Variants in ANKEF1 observed in about 807,000 individuals in gnomAD.
ANKEF1 encodes the protein ankyrin repeat and EF-hand domain containing 1.
Under a neutral mutation model 65.1 loss-of-function variants are expected in ANKEF1, and 43 were observed. The ratio of observed to expected loss-of-function variants is 0.66; its 90% CI spans 0.52 to 0.85. The LOEUF is 0.85. Ranked by LOEUF, ANKEF1 falls within the 40% of genes least tolerant of loss-of-function variation. ANKEF1 has a pLI of 0.00. For synonymous variants in ANKEF1, 316 were observed against 341.5 expected (o/e 0.93, Z 0.82); for missense variants, 934 against 952.9 (o/e 0.98, Z 0.26).
In ANKEF1 at chr20:10,049,695, G is replaced by T; in HGVS notation, c.1126G>T (p.Ala376Ser). The stretch of plus-strand genomic sequence containing the variant: ...GGATTATGCAAGCTCAGAACAGCTG[G>T]CTGCCATCGCTCACCTTCATGAGAA... ...RQDYASSEQL[A>S]AIAHLHEKTR... The change falls in exon 7 of 11, where the codon GCT becomes TCT. Residue 376 changes from alanine to serine, a missense_variant. Coordinates refer to ENST00000378392, the MANE Select transcript of ANKEF1 (RefSeq NM_022096.6). The T allele has an allele frequency of 1.2e-6, 2 of 1,614,168 alleles. No individual in the cohort carries two copies. The highest frequency in any genetic ancestry group is 1.7e-6 in the Non-Finnish European group (2 of 1,180,018).
At chr20:10,043,650 T>C (rs1348602656) in intron 4 of ANKEF1, among the ~76,000 whole-genome samples, 1 of 139,706 alleles carries the variant, frequency 7.2e-6, no homozygotes, top group Non-Finnish European at 1.5e-5. Context: ...CTTTTTCTTT[T>C]CCTTTTTTTT....
Position 10,058,210 on chromosome 20 carries a change from A to G in ANKEF1, c.*2550A>G, listed in dbSNP as rs981845441. 1 of 152,220 alleles carries G rather than the reference A, an allele frequency of 6.6e-6. No individual in the cohort carries two copies. Among genetic ancestry groups the G allele is most frequent in the Admixed American group, 6.5e-5 (1 of 15,274 alleles). 9.4% of individuals were successfully genotyped at this position (152,220 alleles called of 1,614,324 possible). A position where few individuals can be genotyped will look rare whatever the true frequency, so the allele number is the denominator to read the frequency against. ...CATACTGTACAACTGTAATAATTTCATAGCCACCTCCTGTTGCTATTGTGT... is the reference window on the plus strand; with the variant it reads ...CATACTGTACAACTGTAATAATTTCGTAGCCACCTCCTGTTGCTATTGTGT... On this transcript the variant is annotated 3_prime_UTR_variant, in exon 11 of 11. Coordinates refer to ENST00000378392, the MANE Select transcript of ANKEF1 (RefSeq NM_022096.6).
chr20:10,043,119 C>A lies in ANKEF1; in HGVS notation c.347-3C>A. ...ACTCTCTGGGGATTTTATTTCTCTG[C>A]AGGTGTTTTGTTTTACTGCATTTTA... On this transcript the variant is annotated splice_region_variant and splice_polypyrimidine_tract_variant and intron_variant, in intron 3 of 10. Transcript: ENST00000378392. 1 of 1,613,538 alleles carries A rather than the reference C, an allele frequency of 6.2e-7. No homozygotes were observed. Among genetic ancestry groups the A allele is most frequent in the Non-Finnish European group, 8.5e-7 (1 of 1,179,632 alleles).
chr20:10,054,295 C>G (rs1985024257), intron 9 of ANKEF1, among the ~76,000 whole-genome samples, 167 bp from the exon 10 acceptor site: 1 of 152,160 alleles, frequency 6.6e-6, no homozygotes, highest in Non-Finnish European at 1.5e-5. Flanking sequence ...ACTATCTCTC[C>G]CCATCCCCAA....
chr20:10,055,670 G>C lies in ANKEF1; in HGVS notation c.*10G>C, dbSNP rs540950293. 6.2e-7 allele frequency: 1 copy of C among 1,613,242 alleles called. No individual in the cohort carries two copies. The highest frequency in any genetic ancestry group is 8.5e-7 in the Non-Finnish European group (1 of 1,179,512). Reference sequence around the variant, plus strand: ...TGCCTTGAAGACCTAAGTCATAGCAGTTATTTCTTGGGGTAAATGCTTTGA... The same window carrying C: ...TGCCTTGAAGACCTAAGTCATAGCACTTATTTCTTGGGGTAAATGCTTTGA... On this transcript the variant is annotated 3_prime_UTR_variant, in exon 11 of 11. Coordinates refer to ENST00000378392, the MANE Select transcript of ANKEF1 (RefSeq NM_022096.6).
chr20:10,055,328 A>G (rs1222695772), intron 10 of ANKEF1, among the ~76,000 whole-genome samples, 174 bp from the exon 11 acceptor site: 1 of 152,204 alleles, frequency 6.6e-6, no homozygotes, highest in Admixed American at 6.5e-5. Context: ...CTAGTGTCAT[A>G]TGAGAGGGGG....
At chr20:10,053,088 G>C in intron 8 of ANKEF1, 24 bp from the exon 9 acceptor site, 12 of 1,560,298 alleles carry the variant, frequency 7.7e-6, no homozygotes, top group Non-Finnish European at 1.0e-5. Flanking sequence ...TAGTCACTCT[G>C]AATTTATGTT....
At position 10,050,173 on chromosome 20, in the gene ANKEF1, G is replaced by A. The variant is rs1169338019; in HGVS notation, c.1604G>A (p.Ser535Asn). The change falls in exon 7 of 11, where the codon AGT (serine) becomes AAT (asparagine). Residue 535 changes from serine (S) to asparagine (N), a missense_variant. Transcript: ENST00000378392. ...ACTCCGCTAATGACGGCGTGTGCAA[G>A]TGGAAACATAGATGTGGTCAAGTTT... The part of the protein sequence containing the change: ...YKTPLMTACA[S>N]GNIDVVKFLL... The A allele has an allele frequency of 1.2e-6, 2 of 1,613,902 alleles. No individual in the cohort carries two copies. Among genetic ancestry groups the A allele is most frequent in the South Asian group, 2.2e-5 (2 of 91,064 alleles).
intron 5 of ANKEF1, 27 bp from the exon 6 acceptor site, chr20:10,045,547 C>A (rs1432048596): frequency 1.2e-6 from 2 of 1,610,694 alleles, no homozygotes; most frequent in South Asian, 1.1e-5. Context: ...TCCTATTCCT[C>A]CACAATATCC....
Position 10,056,496 on chromosome 20 carries a change from T to TAGATAGATA in ANKEF1, c.*836_*837insAGATAGATA, listed in dbSNP as rs1555773774. 7.6e-5 allele frequency: 11 copies of TAGATAGATA among 143,826 alleles called. No individual in the cohort carries two copies. Among genetic ancestry groups the TAGATAGATA allele is most frequent in the East Asian group, 2.1e-4 (1 of 4,762 alleles). 8.9% of individuals were successfully genotyped at this position (143,826 alleles called of 1,614,324 possible). A position where few individuals can be genotyped will look rare whatever the true frequency, so the allele number is the denominator to read the frequency against. On this transcript the variant is annotated 3_prime_UTR_variant, in exon 11 of 11. Transcript: ENST00000378392. ...GATAGATGATAGATAGATAGATAGA[T>TAGATAGATA]GATAGATAGATAGATAGATAGATAG...
Position 10,051,829 on chromosome 20 carries a change from C to T in ANKEF1, c.1810C>T (p.Leu604=), listed in dbSNP as rs535455249. Residue 604 remains leucine (L), a synonymous_variant, in exon 8 of 11, where the codon CTG becomes TTG. Transcript: ENST00000378392. ...PLNRAIESCR[L]DTVKYLLDIG... ...AAATAGAGCCATTGAAAGCTGCAGA[C>T]TGGATACAGTAAAATACCTACTTGA... The T allele has an allele frequency of 6.2e-7, 1 of 1,613,478 alleles. No homozygotes were observed. The highest frequency in any genetic ancestry group is 2.2e-5 in the East Asian group (1 of 44,848).
intron 10 of ANKEF1, among the ~76,000 whole-genome samples, chr20:10,054,957 C>T (rs1216452495): frequency 6.6e-6 from 1 of 152,106 alleles, no homozygotes; most frequent in South Asian, 2.1e-4. Context: ...CTACTACCAG[C>T]TCATGCAGGA....
intron 4 of ANKEF1, among the ~76,000 whole-genome samples, chr20:10,043,838 T>G (rs376501007): frequency 2.3e-4 from 35 of 151,982 alleles, no homozygotes; most frequent in African/African-American, 7.0e-4. Flanking sequence ...ATTTTTTGTA[T>G]TTTTAGTAGA....
At chr20:10,051,919 T>C in intron 8 of ANKEF1, 30 bp downstream of exon 8, 1 of 1,515,870 alleles carries the variant, frequency 6.6e-7, no homozygotes, top group Non-Finnish European at 9.0e-7. Context: ...ATGATTAGGG[T>C]TAGAAAAGGA....
chr20:10,053,944 T>G (rs1307487571), intron 9 of ANKEF1, among the ~76,000 whole-genome samples: 1 of 152,192 alleles, frequency 6.6e-6, no homozygotes, highest in Admixed American at 6.6e-5. Flanking sequence ...CCCCTAAGTG[T>G]GTCTCTAGAT....
At chr20:10,052,999 A>G in intron 8 of ANKEF1, 113 bp from the exon 9 acceptor site, 4 of 1,065,230 alleles carry the variant, frequency 3.8e-6, no homozygotes, top group Non-Finnish European at 5.3e-6. Context: ...CCCTTGCTTT[A>G]GGAATCACCC....
At chr20:10,039,757 G>A (rs752173174) in intron 3 of ANKEF1, among the ~76,000 whole-genome samples, 2 of 152,106 alleles carry the variant, frequency 1.3e-5, no homozygotes, top group South Asian at 2.1e-4. Flanking sequence ...TTCCACGGTC[G>A]CATTCATTAG....
Position 10,045,167 on chromosome 20 carries a change from C to T in ANKEF1, c.697-407C>T, listed in dbSNP as rs192707035. On this transcript the variant is annotated intron_variant, in intron 5 of 10. Coordinates refer to ENST00000378392, the MANE Select transcript of ANKEF1 (RefSeq NM_022096.6). The stretch of plus-strand genomic sequence containing the variant: ...AAAGTATACACAAAGATAGAAACCA[C>T]GTTTGGTAAAGAATTTTCCCCTTGG... Among the ~76,000 whole-genome samples the T allele has an allele frequency of 3.3e-3, 509 of 152,218 alleles. 1 individual carries two copies. The highest frequency in any genetic ancestry group is 5.5e-3 in the Admixed American group (84 of 15,302).
At position 10,043,305 on chromosome 20, in the gene ANKEF1, C is replaced by T. The variant is rs6118866; in HGVS notation, c.530C>T (p.Pro177Leu). The T allele has an allele frequency of 4.3e-6, 7 of 1,613,886 alleles. No individual in the cohort carries two copies. Among genetic ancestry groups the T allele is most frequent in the South Asian group, 2.2e-5 (2 of 91,056 alleles). ...CLTFLEKGAN[P>L]NAINSSTGRT... is the part of the protein sequence containing the mutation. Reference sequence around the variant, plus strand: ...ACATTTTTGGAAAAAGGAGCCAATCCTAATGCAATCAACTCAGTATGGCTA... The same window carrying T: ...ACATTTTTGGAAAAAGGAGCCAATCTTAATGCAATCAACTCAGTATGGCTA... The change falls in exon 4 of 11, where the codon CCT becomes CTT. Residue 177 changes from proline to leucine, a missense_variant. Physicochemically the swap from Pro to Leu is moderately conservative, Grantham distance 98. Coordinates refer to ENST00000378392, the MANE Select transcript of ANKEF1 (RefSeq NM_022096.6).
Sources: gnomAD v4.1 joint callset for allele counts (sites outside exome capture counted in the v4.1 genomes callset) on GRCh38, gnomAD v4.1.1 for gene constraint, MANE v1.5 for transcripts, NCBI Gene and HGNC (gene_info 2026-07-23, HGNC 2026-07-21) for gene names.